The following TNRC6B variants were observed in gnomAD, a reference collection of about 807,000 sequenced individuals.
TNRC6B encodes the protein trinucleotide repeat containing adaptor 6B, also known as trinucleotide repeat-containing gene 6B protein.
TNRC6B carries 52 observed loss-of-function variants against 203.6 expected under a neutral mutation model. The ratio of observed to expected loss-of-function variants is 0.26; its 90% CI spans 0.20 to 0.32. The LOEUF (loss-of-function observed/expected upper bound fraction) is 0.32. Ranked by LOEUF, TNRC6B falls within the 10% of genes least tolerant of loss-of-function variation. The pLI, the probability that TNRC6B is intolerant of heterozygous loss-of-function variation, is 1.00. For synonymous variants in TNRC6B, 838 were observed against 845.7 expected, an observed-to-expected ratio of 0.99 and a Z score of 0.16; for missense variants, 1,923 against 2,286.2, an observed-to-expected ratio of 0.84 and a Z score of 3.24.
chr22:40,200,761 C>T (rs1433175932), intron 1 of TNRC6B, among the ~76,000 whole-genome samples: 2 of 152,088 alleles, frequency 1.3e-5, no homozygotes, highest in African/African-American at 4.8e-5. Flanking sequence ...GGCACAGGCA[C>T]ACTGTATTCC....
At chr22:40,298,450 G>A (rs2070974926) in intron 12 of TNRC6B, among the ~76,000 whole-genome samples, 1 of 152,220 alleles carries the variant, frequency 6.6e-6, no homozygotes. Flanking sequence ...TGAGCCTGAA[G>A]ATGAGATGCA....
intron 1 of TNRC6B, among the ~76,000 whole-genome samples, chr22:40,095,765 A>G (rs2068182162): frequency 6.6e-6 from 1 of 151,438 alleles, no homozygotes; most frequent in Admixed American, 6.6e-5. Context: ...CCTGTGCTTC[A>G]TTAATATAGC....
chr22:40,228,816 G>A (rs1054162846), intron 1 of TNRC6B, among the ~76,000 whole-genome samples: 1 of 152,012 alleles, frequency 6.6e-6, no homozygotes, highest in East Asian at 1.9e-4. Flanking sequence ...GAGCCACCGC[G>A]CCCAGCCCCA....
rs774930649 is a variant in TNRC6B at position 40,332,147 on chromosome 22, G to A, written c.*8906G>A. 6 of 153,128 alleles carry A rather than the reference G, an allele frequency of 3.9e-5. No individual in the cohort carries two copies. The highest frequency in any genetic ancestry group is 8.8e-5 in the Non-Finnish European group (6 of 68,468). The allele number at this position is 153,128 out of a possible 1,614,324, so 9.5% of individuals were successfully genotyped here. A position where few individuals can be genotyped will look rare whatever the true frequency, so the allele number is the denominator to read the frequency against. ...TGACCTGAAAGTTAATCTTTAGGTC[G>A]ATTTTGAAAAACTCCGCCTCCTCTC... On this transcript the variant is annotated 3_prime_UTR_variant, in exon 23 of 23. Coordinates refer to ENST00000454349, the MANE Select transcript of TNRC6B (RefSeq NM_001162501.2).
chr22:40,100,547 TA>T (rs796653954), intron 1 of TNRC6B, among the ~76,000 whole-genome samples: 12 of 149,032 alleles, frequency 8.1e-5, no homozygotes, highest in East Asian at 2.0e-4. Context: ...TCAGGCTAAT[TA>T]AAAAAAAAAA....
intron 1 of TNRC6B, among the ~76,000 whole-genome samples, chr22:40,054,872 A>C (rs2067780040): frequency 7.4e-6 from 1 of 134,276 alleles, no homozygotes; most frequent in East Asian, 2.0e-4. Flanking sequence ...ACCCATCTCT[A>C]CAAAAAAAAA....
chr22:40,116,309 T>G (rs1211638559), intron 1 of TNRC6B, among the ~76,000 whole-genome samples: 2 of 152,206 alleles, frequency 1.3e-5, no homozygotes, highest in African/African-American at 2.4e-5. Flanking sequence ...CACACATAGG[T>G]AGCTCCAACC....
chr22:40,208,910 C>A (rs1569021642), intron 1 of TNRC6B, among the ~76,000 whole-genome samples: 1 of 152,186 alleles, frequency 6.6e-6, no homozygotes, highest in Non-Finnish European at 1.5e-5. Flanking sequence ...CCTTGTTTGT[C>A]CCATGACATT....
chr22:40,279,980 T>G lies in TNRC6B; in HGVS notation c.3263-15T>G, dbSNP rs370667895. On this transcript the variant is annotated splice_polypyrimidine_tract_variant and intron_variant, in intron 9 of 22. Coordinates refer to ENST00000454349, the MANE Select transcript of TNRC6B (RefSeq NM_001162501.2). Reference sequence around the variant, plus strand: ...TGATTCTGGAAATTTTCACTCTGTGTATGCTACTTTTCAGGAAGCCTTTCA... The same window carrying G: ...TGATTCTGGAAATTTTCACTCTGTGGATGCTACTTTTCAGGAAGCCTTTCA... The G allele has an allele frequency of 7.4e-6, 12 of 1,613,522 alleles. No homozygotes were observed. The Admixed American group carries it at 2.0e-4, about 27-fold the overall frequency.
At chr22:40,258,688 A>G (rs1424674337) in intron 3 of TNRC6B, among the ~76,000 whole-genome samples, 1 of 152,108 alleles carries the variant, frequency 6.6e-6, no homozygotes, top group Non-Finnish European at 1.5e-5. Flanking sequence ...TTGGGAGGAA[A>G]GTGGTTGAGG....
chr22:40,132,955 A>ATT (rs1399923213), intron 3 of TNRC6B, among the ~76,000 whole-genome samples: 5 of 93,362 alleles, frequency 5.4e-5, no homozygotes, highest in South Asian at 4.3e-4. Context: ...AAAAAAAAAA[A>ATT]AAAAAAAAAA....
chr22:40,110,298 T>C (rs1284135660), intron 1 of TNRC6B, among the ~76,000 whole-genome samples: 1 of 152,228 alleles, frequency 6.6e-6, no homozygotes, highest in Non-Finnish European at 1.5e-5. Flanking sequence ...GCTTAATTCT[T>C]ATGTGACCAA....
chr22:40,075,450 C>A (rs943023317), intron 1 of TNRC6B, among the ~76,000 whole-genome samples: 6 of 151,506 alleles, frequency 4.0e-5, no homozygotes, highest in African/African-American at 1.2e-4. Context: ...TATGGTCACT[C>A]CAGCTTATTT....
intron 1 of TNRC6B, among the ~76,000 whole-genome samples, chr22:40,064,501 T>C (rs185245685): frequency 3.2e-4 from 49 of 152,312 alleles, no homozygotes; most frequent in African/African-American, 1.1e-3. Flanking sequence ...ATTGAGATGA[T>C]CATCTAGTTT....
At chr22:40,093,810 A>G (rs2068167021) in intron 1 of TNRC6B, among the ~76,000 whole-genome samples, 1 of 152,172 alleles carries the variant, frequency 6.6e-6, no homozygotes, top group African/African-American at 2.4e-5. Flanking sequence ...TTCCTTCTCT[A>G]CAAAATAGGA....
rs1004969241 is a variant in TNRC6B, at chr22:40,149,662, C to T, written c.46-6453C>T. Among the ~76,000 whole-genome samples the T allele has an allele frequency of 3.5e-5, 5 of 141,536 alleles. No individual in the cohort carries two copies. In the South Asian group the frequency reaches 1.1e-3, roughly 32 times the overall value. 92.9% of individuals were successfully genotyped at this position (141,536 alleles called of 152,430 possible). On this transcript the variant is annotated intron_variant, in intron 3 of 23. Coordinates refer to the TNRC6B transcript ENST00000301923. ...TACAGCCTGGCAACAGAGCGAGACT[C>T]CGTCTCCCTCCCCCGCCAAAAAAAA...
At chr22:40,154,357 G>A (rs1047761391) in intron 3 of TNRC6B, among the ~76,000 whole-genome samples, 21 of 151,760 alleles carry the variant, frequency 1.4e-4, no homozygotes, top group Non-Finnish European at 2.8e-4. Flanking sequence ...CCAGCTACTC[G>A]GGAGGCTGAG....
intron 4 of TNRC6B, among the ~76,000 whole-genome samples, chr22:40,164,311 C>G (rs936187758): frequency 1.3e-5 from 2 of 149,624 alleles, no homozygotes; most frequent in African/African-American, 4.9e-5. Context: ...TCACTTGAAC[C>G]TGGGAGGCGG....
At chr22:40,281,386 G>A in intron 11 of TNRC6B, 97 bp downstream of exon 11, 1 of 1,043,086 alleles carries the variant, frequency 9.6e-7, no homozygotes, top group South Asian at 2.2e-5. Flanking sequence ...TGGGAAATTT[G>A]TTGATTACTG....
Sources: gnomAD v4.1 joint callset for allele counts (sites outside exome capture counted in the v4.1 genomes callset) on GRCh38, gnomAD v4.1.1 for gene constraint, MANE v1.5 for transcripts, NCBI Gene and HGNC (gene_info 2026-07-23, HGNC 2026-07-21) for gene names.